Variants in DNAH14 observed in about 807,000 individuals in gnomAD.
DNAH14 encodes the protein axonemal beta dynein heavy chain 14.
A neutral mutation model predicts 520.9 loss-of-function variants in DNAH14; 478 were observed. The ratio of observed to expected loss-of-function variants is 0.92; its 90% CI spans 0.85 to 0.99. The LOEUF (loss-of-function observed/expected upper bound fraction) is 0.99. DNAH14 is among the 50% of genes least tolerant of loss of function. The probability of loss-of-function intolerance (pLI) is 0.00; values close to 1 mark genes in which losing one functional copy is unlikely to be tolerated. For missense variants in DNAH14, 4,831 were observed against 5,234.5 expected, an observed-to-expected ratio of 0.92 and a Z score of 2.38; for synonymous variants, 1,581 against 1,757.2, an observed-to-expected ratio of 0.90 and a Z score of 2.51.
chr1:225,290,868 GT>G lies in DNAH14; in HGVS notation c.8469+788del, dbSNP rs2093872489. Among the ~76,000 whole-genome samples the G allele has an allele frequency of 2.0e-5, 3 of 151,122 alleles. No individual in the cohort carries two copies. The South Asian group carries it at 6.2e-4, about 31-fold the overall frequency. On this transcript the variant is annotated intron_variant, in intron 55 of 85. Coordinates refer to ENST00000682510, the MANE Select transcript of DNAH14 (RefSeq NM_001367479.1). ...TATCTCAAACATTTATCATTTTTGT[GT>G]TAGGAGCATTCAATATCCTCCTTCT...
intron 8 of DNAH14, among the ~76,000 whole-genome samples, chr1:224,980,244 A>G (rs2062164643): frequency 6.6e-6 from 1 of 152,102 alleles, no homozygotes; most frequent in African/African-American, 2.4e-5. Flanking sequence ...CTGCACTGGG[A>G]CAGAGGAGAG....
chr1:225,028,748 G>C (rs1168813453), intron 11 of DNAH14, among the ~76,000 whole-genome samples: 1 of 151,964 alleles, frequency 6.6e-6, no homozygotes, highest in Non-Finnish European at 1.5e-5. Flanking sequence ...AAATCACAAT[G>C]AGACACTTTT....
intron 15 of DNAH14, among the ~76,000 whole-genome samples, chr1:225,045,397 A>C (rs575765199): frequency 2.0e-5 from 3 of 152,056 alleles, no homozygotes; most frequent in Admixed American, 6.6e-5. Flanking sequence ...TATTAGTATA[A>C]TAGTATTAAT....
At position 225,207,056 on chromosome 1, in the gene DNAH14, T is replaced by A. The variant is rs2087670274; in HGVS notation, c.6275T>A (p.Leu2092His). 1 of 1,550,742 alleles carries A rather than the reference T, an allele frequency of 6.4e-7. No homozygotes were observed. Among genetic ancestry groups the A allele is most frequent in the African/African-American group, 1.4e-5 (1 of 73,158 alleles). Residue 2092 changes from leucine to histidine, a missense_variant, in exon 41 of 86, where the codon CTT (leucine) becomes CAT (histidine). Leu to His is a moderately conservative substitution (Grantham distance 99). Coordinates refer to ENST00000682510, the MANE Select transcript of DNAH14 (RefSeq NM_001367479.1). The stretch of plus-strand genomic sequence containing the variant: ...ATAAGTCAATCAGGAGTGGATTGTC[T>A]TGAATTCATGATTAAAAATAGTGTC... ...KIISQSGVDC[L>H]EFMIKNSVTD...
chr1:225,159,609 A>G (rs1158921897), intron 35 of DNAH14, 124 bp downstream of exon 35: 4 of 1,065,058 alleles, frequency 3.8e-6, no homozygotes, highest in Non-Finnish European at 3.9e-6. Context: ...AATTGAGGGG[A>G]TAAAAATACT....
At chr1:224,990,853 T>C (rs2062984730) in intron 8 of DNAH14, among the ~76,000 whole-genome samples, 1 of 152,112 alleles carries the variant, frequency 6.6e-6, no homozygotes, top group African/African-American at 2.4e-5. Flanking sequence ...TTATTTTTAG[T>C]TTTTTGAGGA....
chr1:225,015,649 C>CTG, intron 10 of DNAH14, among the ~76,000 whole-genome samples: 1 of 152,200 alleles, frequency 6.6e-6, no homozygotes, highest in Admixed American at 6.5e-5. Flanking sequence ...AACGTTTACC[C>CTG]CATGTAAATG....
intron 52 of DNAH14, among the ~76,000 whole-genome samples, chr1:225,274,125 T>C (rs1239215930): frequency 2.0e-5 from 3 of 152,014 alleles, no homozygotes; most frequent in African/African-American, 4.8e-5. Flanking sequence ...TCCACAACAG[T>C]TGAACTAATT....
chr1:224,978,380 T>G (rs2062016611), intron 8 of DNAH14, among the ~76,000 whole-genome samples: 2 of 152,194 alleles, frequency 1.3e-5, no homozygotes, highest in African/African-American at 4.8e-5. Flanking sequence ...TTGGAGGACA[T>G]CATGTTAAGT....
chr1:224,991,932 T>C (rs182586032), intron 8 of DNAH14, among the ~76,000 whole-genome samples: 9 of 152,334 alleles, frequency 5.9e-5, no homozygotes, highest in African/African-American at 1.9e-4. Flanking sequence ...TTTGACATGG[T>C]TGCAGTTTAA....
intron 34 of DNAH14, among the ~76,000 whole-genome samples, chr1:225,155,076 A>C (rs1248476544): frequency 6.6e-6 from 1 of 152,152 alleles, no homozygotes; most frequent in African/African-American, 2.4e-5. Context: ...TTAAAATGAC[A>C]CTGAAATTCT....
chr1:225,172,410 C>T (rs565546425), intron 36 of DNAH14, among the ~76,000 whole-genome samples: 1 of 152,288 alleles, frequency 6.6e-6, no homozygotes, highest in African/African-American at 2.4e-5. Flanking sequence ...GCAAATTCAG[C>T]AAAGTCTCAG....
In DNAH14 at chr1:225,059,983, G is replaced by C. The variant is rs561638134; in HGVS notation, c.2424+8188G>C. Among the ~76,000 whole-genome samples, 13 of 151,566 alleles carry C rather than the reference G, an allele frequency of 8.6e-5. No individual in the cohort carries two copies. In the East Asian group the frequency reaches 2.5e-3, roughly 29 times the overall value. On this transcript the variant is annotated intron_variant, in intron 17 of 85. Coordinates refer to ENST00000682510, the MANE Select transcript of DNAH14 (RefSeq NM_001367479.1). ...CATTTTTCCCTTCATTTCAACTTTG[G>C]TGAATCTGACAATTATGTGTCTTGG...
intron 66 of DNAH14, among the ~76,000 whole-genome samples, chr1:225,335,345 GTGTATATGCATATACACGTGTA>G (rs2094929752): frequency 1.3e-5 from 1 of 75,872 alleles, no homozygotes; most frequent in Non-Finnish European, 2.7e-5. Flanking sequence ...GTACATGTGT[GTGTATATGCATATACACGTGTA>G]CATGTGTGTG....
At chr1:225,392,046 G>A (rs1036314818) in intron 83 of DNAH14, among the ~76,000 whole-genome samples, 1 of 152,128 alleles carries the variant, frequency 6.6e-6, no homozygotes, top group African/African-American at 2.4e-5. Flanking sequence ...ACGAATACAG[G>A]AGGGGTGCTG....
At chr1:225,265,828 T>C (rs988408976) in intron 48 of DNAH14, among the ~76,000 whole-genome samples, 1 of 152,000 alleles carries the variant, frequency 6.6e-6, no homozygotes, top group African/African-American at 2.4e-5. Flanking sequence ...AAAAGGTGAA[T>C]AACTGAGGAA....
chr1:225,051,877 TATG>T (rs2068569861), intron 17 of DNAH14, 82 bp downstream of exon 17: 2 of 974,886 alleles, frequency 2.1e-6, no homozygotes, highest in East Asian at 2.7e-5. Context: ...TTAGAGAATA[TATG>T]ATATCATGTC....
At chr1:225,172,356 A>G (rs1339534691) in intron 36 of DNAH14, among the ~76,000 whole-genome samples, 3 of 152,220 alleles carry the variant, frequency 2.0e-5, no homozygotes, top group African/African-American at 7.2e-5. Flanking sequence ...TTGTATATCT[A>G]GAAAACCCCA....
At chr1:225,119,466 A>G (rs10915783) in intron 26 of DNAH14, among the ~76,000 whole-genome samples, 172 bp downstream of exon 26, 30,076 of 151,968 alleles carry the variant, frequency 0.2, 6,117 homozygotes, top group African/African-American at 0.51. Context: ...GAACATGATG[A>G]CACATGATGA....
Sources: gnomAD v4.1 joint callset for allele counts (sites outside exome capture counted in the v4.1 genomes callset) on GRCh38, gnomAD v4.1.1 for gene constraint, MANE v1.5 for transcripts, NCBI Gene and HGNC (gene_info 2026-07-23, HGNC 2026-07-21) for gene names.